TSNARE1: variants seen among roughly 807,000 people sequenced by gnomAD.
TSNARE1 encodes the protein t-SNARE domain containing 1.
TSNARE1 carries 49 observed loss-of-function variants against 62.0 expected under a neutral mutation model. The observed-to-expected ratio is 0.79, with a 90% confidence interval of 0.63 to 1.00. The LOEUF (loss-of-function observed/expected upper bound fraction) is 1.00. Ranked by LOEUF, TSNARE1 falls within the 50% of genes least tolerant of loss-of-function variation. The pLI, the probability that TSNARE1 is intolerant of heterozygous loss-of-function variation, is 0.00. For synonymous variants in TSNARE1, 328 were observed against 294.4 expected, an observed-to-expected ratio of 1.11 and a Z score of -1.17; for missense variants, 755 against 700.1, an observed-to-expected ratio of 1.08 and a Z score of -0.88.
At chr8:142,380,748 C>A (rs1351343515) in intron 1 of TSNARE1, among the ~76,000 whole-genome samples, 1 of 152,192 alleles carries the variant, frequency 6.6e-6, no homozygotes, top group Non-Finnish European at 1.5e-5. Flanking sequence ...AGAAAACGCT[C>A]CAGGAAAGTC....
intron 12 of TSNARE1, among the ~76,000 whole-genome samples, chr8:142,230,016 C>T (rs758527611): frequency 2.6e-5 from 4 of 152,168 alleles, no homozygotes; most frequent in Admixed American, 6.5e-5. Flanking sequence ...TGGGGCCTGG[C>T]GAATGCCAGA....
rs1829086129 is a variant in TSNARE1 at position 142,319,145 on chromosome 8, C to T, written c.894-511G>A. 1.3e-5 allele frequency among the ~76,000 whole-genome samples: 2 copies of T among 149,204 alleles called. No homozygotes were observed. Among genetic ancestry groups the T allele is most frequent in the African/African-American group, 4.9e-5 (2 of 40,516 alleles). The stretch of plus-strand genomic sequence containing the variant: ...CCCCACCAATCGGCCACTGCGAGGA[C>T]CACCTTGCTCCGCCGCAACCACCCC... On this transcript the variant is annotated intron_variant, in intron 6 of 13. Coordinates refer to ENST00000524325, the MANE Select transcript of TSNARE1 (RefSeq NM_145003.5). This position sits in a 1 kb window ranked among gnomAD's most constrained non-coding sequence, Gnocchi z 4.9.
In TSNARE1 at chr8:142,300,475, GCCA is replaced by G. The variant is rs772575288; in HGVS notation, c.1290+8_1290+10del. ...GTGGAGAGTGAGCACGCTTGCCCACGCCAGCCTCACCTCCATCTGCAGGATGGC... is the reference window on the plus strand; with the variant it reads ...GTGGAGAGTGAGCACGCTTGCCCACGGCCTCACCTCCATCTGCAGGATGGC... On this transcript the variant is annotated splice_region_variant and intron_variant, in intron 10 of 13. Transcript: ENST00000524325. 1.8e-5 allele frequency: 29 copies of G among 1,596,410 alleles called. No homozygotes were observed. Among genetic ancestry groups the G allele is most frequent in the Non-Finnish European group, 2.1e-5 (25 of 1,175,536 alleles).
Position 142,218,094 on chromosome 8 carries a change from G to A in TSNARE1, c.*12-5781C>T, listed in dbSNP as rs1309915013. ...GGATCAGGGTTCAGAGAGTGGCCAG[G>A]TCAGGGCTCAGTGTGTGACCAGGAT... On this transcript the variant is annotated intron_variant, in intron 13 of 13. Transcript: ENST00000524325. Among the ~76,000 whole-genome samples, 17 of 56,540 alleles carry A rather than the reference G, an allele frequency of 3.0e-4. 3 individuals carry two copies. Among genetic ancestry groups the A allele is most frequent in the African/African-American group, 4.7e-4 (5 of 10,568 alleles). 37.1% of individuals were successfully genotyped at this position (56,540 alleles called of 152,430 possible).
chr8:142,235,291 CG>C (rs1817350372), intron 12 of TSNARE1, among the ~76,000 whole-genome samples: 1 of 152,060 alleles, frequency 6.6e-6, no homozygotes, highest in Admixed American at 6.5e-5. Flanking sequence ...AGGCAGGGTC[CG>C]GCAGGTGGCT....
chr8:142,259,868 G>A (rs931819420), intron 12 of TSNARE1, among the ~76,000 whole-genome samples: 5 of 152,176 alleles, frequency 3.3e-5, no homozygotes, highest in African/African-American at 1.2e-4. Flanking sequence ...GGGGCACCTA[G>A]GGGATGCCTC....
chr8:142,270,912 G>A (rs966115747), intron 12 of TSNARE1: 34 of 985,404 alleles, frequency 3.5e-5, no homozygotes, highest in Admixed American at 6.1e-5. Context: ...TGGCAAGGAC[G>A]CGACATCACA....
intron 1 of TSNARE1, among the ~76,000 whole-genome samples, chr8:142,371,295 T>A (rs1835894423): frequency 6.6e-6 from 1 of 152,102 alleles, no homozygotes; most frequent in African/African-American, 2.4e-5. Flanking sequence ...ACATAAACTC[T>A]TCCATGAAGG....
intron 11 of TSNARE1, chr8:142,280,178 G>A (rs1396587706): frequency 1.0e-6 from 1 of 985,324 alleles, no homozygotes; most frequent in African/African-American, 1.7e-5. Flanking sequence ...GTCTCCTGGG[G>A]GCTGAAGTTG....
At chr8:142,279,498 T>C (rs1821048564) in intron 11 of TSNARE1, among the ~76,000 whole-genome samples, 1 of 152,152 alleles carries the variant, frequency 6.6e-6, no homozygotes, top group Admixed American at 6.5e-5. Flanking sequence ...CGCTCACCTC[T>C]CTACAGTGAC....
rs376894831 is a variant in TSNARE1, at chr8:142,393,936, G to A, written c.-40+9168C>T. Among the ~76,000 whole-genome samples, 11 of 152,322 alleles carry A rather than the reference G, an allele frequency of 7.2e-5. No homozygotes were observed. The East Asian group carries it at 1.5e-3, about 21-fold the overall frequency. On this transcript the variant is annotated intron_variant, in intron 1 of 13. Coordinates refer to ENST00000524325, the MANE Select transcript of TSNARE1 (RefSeq NM_145003.5). ...AGCCGTGTGGTTCCTCCTGGCCAAT[G>A]AACTGTGAATCCCCAATGAACACAC...
intron 13 of TSNARE1, among the ~76,000 whole-genome samples, chr8:142,226,336 C>A (rs1043776118): frequency 6.6e-6 from 1 of 152,154 alleles, no homozygotes. Flanking sequence ...ATGCAGCCTG[C>A]GTCACAGAGG....
At chr8:142,404,921 C>T (rs1332349020), upstream of TSNARE1, 2 of 152,312 alleles carry the variant, frequency 1.3e-5, no homozygotes, top group East Asian at 1.9e-4. Context: ...CCCTTTCCTC[C>T]CAGGGCAGAC....
At chr8:142,249,988 C>T (rs553424962) in intron 12 of TSNARE1, among the ~76,000 whole-genome samples, 1 of 152,164 alleles carries the variant, frequency 6.6e-6, no homozygotes, top group African/African-American at 2.4e-5. Context: ...GGAGTGGGGG[C>T]CGGGGGATGC....
At chr8:142,212,813 CCCT>C (rs1350859378) in intron 13 of TSNARE1, among the ~76,000 whole-genome samples, 16 of 54,526 alleles carry the variant, frequency 2.9e-4, no homozygotes, top group African/African-American at 1.1e-3. Flanking sequence ...TCCTTCCCCC[CCCT>C]GTCCCTCCCT....
intron 6 of TSNARE1, 41 bp from the exon 7 acceptor site, chr8:142,318,675 A>C: frequency 6.2e-7 from 1 of 1,606,072 alleles, no homozygotes; most frequent in South Asian, 1.1e-5. Flanking sequence ...GCAGGGGAGG[A>C]AGGCAGCAGA....
At chr8:142,283,940 T>G (rs1357273479) in intron 11 of TSNARE1, among the ~76,000 whole-genome samples, 2 of 142,416 alleles carry the variant, frequency 1.4e-5, no homozygotes, top group African/African-American at 5.0e-5. Flanking sequence ...GACCAGGTTC[T>G]GTCAATGAGC....
At chr8:142,264,425 T>C (rs528424241) in intron 12 of TSNARE1, among the ~76,000 whole-genome samples, 1 of 152,242 alleles carries the variant, frequency 6.6e-6, no homozygotes, top group East Asian at 1.9e-4. Context: ...TAGCAGAGGG[T>C]TCTGTAAGCA....
At chr8:142,293,221 C>T (rs1824104563) in intron 10 of TSNARE1, among the ~76,000 whole-genome samples, 1 of 152,236 alleles carries the variant, frequency 6.6e-6, no homozygotes, top group South Asian at 2.1e-4. Context: ...CCTTAGCGTA[C>T]AGTGAGCTGC....
Sources: allele counts gnomAD v4.1 joint callset (sites outside exome capture counted in the v4.1 genomes callset), GRCh38; gene constraint gnomAD v4.1.1; non-coding constraint Gnocchi (gnomAD v3.1); transcripts MANE v1.5; gene names NCBI Gene and HGNC (gene_info 2026-07-23, HGNC 2026-07-21).